Variants in TRMT11 observed in about 807,000 individuals in gnomAD.
TRMT11 encodes the protein tRNA methyltransferase 11.
In TRMT11, 53 loss-of-function variants were observed where a neutral mutation model predicts 62.8. The ratio of observed to expected loss-of-function variants is 0.84; its 90% CI spans 0.68 to 1.06. TRMT11 has a LOEUF of 1.06. Ranked by LOEUF, TRMT11 falls within the 50% of genes least tolerant of loss-of-function variation. The pLI, the probability that TRMT11 is intolerant of heterozygous loss-of-function variation, is 0.00. For missense variants in TRMT11, 556 were observed against 553.4 expected (o/e 1.00, Z -0.05); for synonymous variants, 188 against 190.3 (o/e 0.99, Z 0.10).
At chr6:125,994,605 G>A (rs995592214) in intron 2 of TRMT11, among the ~76,000 whole-genome samples, 3 of 151,998 alleles carry the variant, frequency 2.0e-5, no homozygotes, top group African/African-American at 7.3e-5. Flanking sequence ...AAAAAAAACG[G>A]GGTATATACC....
chr6:126,249,594 A>G, the TRMT11 span, among the ~76,000 whole-genome samples: 1 of 152,206 alleles, frequency 6.6e-6, no homozygotes, highest in Non-Finnish European at 1.5e-5. Context: ...TGGATAAGTC[A>G]AGAAATAAAG....
chr6:126,096,454 T>C (rs562437152), intron 17 of TRMT11, among the ~76,000 whole-genome samples: 15 of 152,318 alleles, frequency 9.8e-5, no homozygotes, highest in Non-Finnish European at 2.1e-4. Flanking sequence ...CAGCAGCAGA[T>C]TGAAGTTGGA....
At chr6:126,093,608 TATATATATATATA>T (rs1469710610) in intron 17 of TRMT11, among the ~76,000 whole-genome samples, 5,603 of 100,964 alleles carry the variant, frequency 0.055, 554 homozygotes, top group African/African-American at 0.13. Context: ...TATATATATA[TATATATATATATA>T]TATATATATA....
intron 17 of TRMT11, among the ~76,000 whole-genome samples, chr6:126,058,525 C>T (rs546853724): frequency 1.0e-3 from 155 of 152,230 alleles, no homozygotes; most frequent in African/African-American, 3.6e-3. Context: ...CTTGAGGAAT[C>T]GCCACACTGT....
chr6:126,208,479 TA>T (rs1375802148), downstream of TRMT11, among the ~76,000 whole-genome samples: 1 of 152,118 alleles, frequency 6.6e-6, no homozygotes. Flanking sequence ...TCTTATTTAA[TA>T]AAAAATTGAG....
intron 21 of TRMT11, among the ~76,000 whole-genome samples, chr6:126,141,250 G>T (rs1777913526): frequency 6.6e-6 from 1 of 151,942 alleles, no homozygotes; most frequent in South Asian, 2.1e-4. Context: ...TCTAATTTTG[G>T]TTATCAAACA....
chr6:126,256,941 A>C, the TRMT11 span, among the ~76,000 whole-genome samples: 1 of 151,914 alleles, frequency 6.6e-6, no homozygotes. Context: ...GCTGGAGTGT[A>C]ATGGTGCAAT....
chr6:126,080,411 C>G (rs1357364953), intron 17 of TRMT11, among the ~76,000 whole-genome samples: 1 of 151,974 alleles, frequency 6.6e-6, no homozygotes, highest in African/African-American at 2.4e-5. Flanking sequence ...GTTCTTACAG[C>G]CAAAAATCTG....
In TRMT11 at chr6:126,157,577, A is replaced by G. The variant is rs537443577; in HGVS notation, c.*1824-17248A>G. 2.4e-4 allele frequency among the ~76,000 whole-genome samples: 37 copies of G among 152,324 alleles called. No individual in the cohort carries two copies. In the East Asian group the frequency reaches 7.1e-3, roughly 29 times the overall value. On this transcript the variant is annotated intron_variant and NMD_transcript_variant, in intron 21 of 22. Transcript: ENST00000648977. ...TTAAGAGGGTGCAGGGAAGATAAGG[A>G]GAACTATAGGAAAGTTACAATTTGA...
At chr6:126,022,809 A>G (rs940775574) in intron 12 of TRMT11, among the ~76,000 whole-genome samples, 1 of 152,236 alleles carries the variant, frequency 6.6e-6, no homozygotes, top group African/African-American at 2.4e-5. Context: ...ACGTGTACAT[A>G]CATATAAACA....
chr6:126,251,474 A>G, the TRMT11 span, among the ~76,000 whole-genome samples: 1 of 152,176 alleles, frequency 6.6e-6, no homozygotes, highest in African/African-American at 2.4e-5. Context: ...TTTTGTGTGA[A>G]AAGTGTTTAA....
At chr6:126,010,435 C>T (rs1267435365) in intron 8 of TRMT11, among the ~76,000 whole-genome samples, 3 of 152,062 alleles carry the variant, frequency 2.0e-5, no homozygotes, top group Non-Finnish European at 4.4e-5. Flanking sequence ...AGAGTCATGT[C>T]GTTCTTCTTT....
chr6:126,178,830 G>A (rs1161457302), intron 1 of TRMT11, among the ~76,000 whole-genome samples: 1 of 152,076 alleles, frequency 6.6e-6, no homozygotes, highest in Non-Finnish European at 1.5e-5. Flanking sequence ...TACATTATCA[G>A]TGTAAACATT....
intron 17 of TRMT11, among the ~76,000 whole-genome samples, chr6:126,057,978 A>G (rs1019594836): frequency 1.2e-4 from 18 of 150,546 alleles, no homozygotes; most frequent in African/African-American, 3.9e-4. Context: ...TTTCAATTAT[A>G]TAAGTTCTGG....
chr6:126,250,648 C>T, the TRMT11 span, among the ~76,000 whole-genome samples: 2 of 152,140 alleles, frequency 1.3e-5, no homozygotes, highest in African/African-American at 2.4e-5. Context: ...TCCCCTCAGC[C>T]CACCCTTTCA....
chr6:126,250,356 G>A, the TRMT11 span, among the ~76,000 whole-genome samples: 1 of 152,106 alleles, frequency 6.6e-6, no homozygotes, highest in Non-Finnish European at 1.5e-5. Context: ...CTAATTTAAA[G>A]AAGTTTTGAT....
chr6:126,139,165 A>AT (rs773645692), intron 21 of TRMT11, among the ~76,000 whole-genome samples: 4 of 152,060 alleles, frequency 2.6e-5, no homozygotes, highest in South Asian at 2.1e-4. Flanking sequence ...AGCTGAAACT[A>AT]TTTTTTGCAT....
chr6:126,070,878 C>T (rs1218990887), intron 17 of TRMT11, among the ~76,000 whole-genome samples: 2 of 152,200 alleles, frequency 1.3e-5, no homozygotes, highest in African/African-American at 2.4e-5. Flanking sequence ...CCTAACAGCA[C>T]ACACTTACCA....
chr6:126,047,870 G>C (rs969434154), intron 16 of TRMT11, among the ~76,000 whole-genome samples: 2 of 152,206 alleles, frequency 1.3e-5, no homozygotes, highest in African/African-American at 4.8e-5. Flanking sequence ...ACTTAAGCCA[G>C]CTAGCCTGCT....
Sources: allele counts gnomAD v4.1 joint callset (sites outside exome capture counted in the v4.1 genomes callset), GRCh38; gene constraint gnomAD v4.1.1; transcripts MANE v1.5; gene names NCBI Gene and HGNC (gene_info 2026-07-23, HGNC 2026-07-21).